Variants in PSG11 observed in about 807,000 individuals in gnomAD.
PSG11 encodes the protein pregnancy specific beta-1-glycoprotein 11.
A neutral mutation model predicts 36.0 loss-of-function variants in PSG11; 42 were observed. The observed-to-expected ratio is 1.17, with a 90% CI of 0.91 to 1.51. PSG11 has a LOEUF of 1.51. PSG11 is among the 40% of genes most tolerant of loss of function. PSG11 has a pLI of 0.00. For missense variants in PSG11, 558 were observed against 403.5 expected (o/e 1.38, Z -3.28); for synonymous variants, 206 against 153.5 (o/e 1.34, Z -2.53).
In PSG11 at chr19:43,009,955, T is replaced by C. The variant is rs1163335886; in HGVS notation, c.*40+3A>G. The C allele has an allele frequency of 1.3e-6, 2 of 1,572,464 alleles. No homozygotes were observed. Among genetic ancestry groups the C allele is most frequent in the Non-Finnish European group, 8.7e-7 (1 of 1,143,648 alleles). ...ACCAGGATAAGAGAAAAGGTCATCATACCTGCCAGTCTTCCTGAAATACAA... is the reference window on the plus strand; with the variant it reads ...ACCAGGATAAGAGAAAAGGTCATCACACCTGCCAGTCTTCCTGAAATACAA... On this transcript the variant is annotated splice_donor_region_variant and intron_variant, in intron 5 of 5. Coordinates refer to ENST00000320078, the MANE Select transcript of PSG11 (RefSeq NM_002785.3).
At chr19:43,011,116 G>C (rs55717966) in intron 4 of PSG11, among the ~76,000 whole-genome samples, 81,042 of 150,298 alleles carry the variant, frequency 0.54, 23,629 homozygotes, top group East Asian at 0.99. Context: ...TCTGAGATTT[G>C]ATTCTAGGAC....
At chr19:43,015,030 A>T (rs1599671590) in intron 4 of PSG11, 86 bp downstream of exon 4, 2 of 1,606,260 alleles carry the variant, frequency 1.2e-6, no homozygotes, top group Non-Finnish European at 1.7e-6. Context: ...ACAGGCTGGG[A>T]ATAAAAATGT....
At chr19:43,016,141 C>T in intron 3 of PSG11, 1 of 1,495,496 alleles carries the variant, frequency 6.7e-7, no homozygotes. Context: ...ACCTCTCAGC[C>T]CACCCGAGTC....
Position 43,013,252 on chromosome 19 carries a change from C to T in PSG11, c.964+1864G>A, listed in dbSNP as rs183517176. ...CAAAAGCATAGGCAACAAATAAAAT[C>T]AATAAATCGGACTTCACAAAAATCA... On this transcript the variant is annotated intron_variant, in intron 4 of 5. Transcript: ENST00000320078. Among the ~76,000 whole-genome samples the T allele has an allele frequency of 3.6e-3, 545 of 151,492 alleles. 23 individuals carry two copies. The highest frequency in any genetic ancestry group is 0.012 in the African/African-American group (481 of 41,160).
chr19:43,008,735 G>T (rs946234848), intron 5 of PSG11, among the ~76,000 whole-genome samples: 10 of 151,210 alleles, frequency 6.6e-5, no homozygotes. Flanking sequence ...TGAGTTCTTG[G>T]TGTAGCCCAT....
rs138854551 is a variant in PSG11, at chr19:43,009,949, T to C, written c.*40+9A>G. On this transcript the variant is annotated intron_variant, in intron 5 of 5. Coordinates refer to ENST00000320078, the MANE Select transcript of PSG11 (RefSeq NM_002785.3). ...GCAGGAACCAGGATAAGAGAAAAGG[T>C]CATCATACCTGCCAGTCTTCCTGAA... 1,191 of 1,556,152 alleles carry C rather than the reference T, an allele frequency of 7.7e-4. 38 individuals carry two copies. The East Asian group carries it at 0.018, about 24-fold the overall frequency.
Position 43,024,735 on chromosome 19 carries a change from T to C in PSG11, c.386A>G (p.Asp129Gly), listed in dbSNP as rs1967194675. ...ATATCCAGTTACTCCTCTAGTCCCA[T>C]CACCTCGCTTTATGATGTGTAAGGT... Reference protein sequence around the residue: ...SYTLHIIKRGDGTRGVTGYFT... With the variant: ...SYTLHIIKRGGGTRGVTGYFT... Residue 129 changes from aspartate to glycine, a missense_variant, in exon 2 of 6, where the codon GAT (aspartate) becomes GGT (glycine). By Grantham distance (94) the Asp-to-Gly change is moderately conservative. Coordinates refer to ENST00000320078, the MANE Select transcript of PSG11 (RefSeq NM_002785.3). 1 of 1,611,662 alleles carries C rather than the reference T, an allele frequency of 6.2e-7. No homozygotes were observed. Among genetic ancestry groups the C allele is most frequent in the Non-Finnish European group, 8.5e-7 (1 of 1,178,890 alleles).
At chr19:43,020,560 A>G (rs1568491047) in intron 2 of PSG11, among the ~76,000 whole-genome samples, 1 of 151,524 alleles carries the variant, frequency 6.6e-6, no homozygotes, top group Non-Finnish European at 1.5e-5. Flanking sequence ...CTGATGGTCT[A>G]AACATCTAAG....
At chr19:43,014,835 T>C (rs1461533357) in intron 4 of PSG11, 12 of 1,316,852 alleles carry the variant, frequency 9.1e-6, no homozygotes, top group Non-Finnish European at 1.2e-5. Flanking sequence ...ACTCTCCTTC[T>C]TGTCCCTCTG....
intron 1 of PSG11, 103 bp downstream of exon 1, chr19:43,026,206 G>C (rs1420020455): frequency 3.9e-6 from 6 of 1,533,454 alleles, no homozygotes; most frequent in East Asian, 2.3e-5. Context: ...CTCCCTAAAT[G>C]CTGGCTTTTT....
In PSG11 at chr19:43,024,685, A is replaced by T. The variant is rs185646646; in HGVS notation, c.430+6T>A. ...CAACACCCAGGGATCATGTGGAATC[A>T]CTTACGGTATAAGGTGAAGGTGAAA... is the stretch of plus-strand genomic sequence containing the variant. On this transcript the variant is annotated splice_donor_region_variant and intron_variant, in intron 2 of 5. Transcript: ENST00000320078. 115 of 1,609,930 alleles carry T rather than the reference A, an allele frequency of 7.1e-5. 3 individuals are homozygous for T. In the East Asian group the frequency reaches 2.5e-3, roughly 36 times the overall value.
At chr19:43,019,173 G>T in intron 2 of PSG11, 125 bp from the exon 3 acceptor site, 2 of 1,513,450 alleles carry the variant, frequency 1.3e-6, no homozygotes, top group Non-Finnish European at 1.8e-6. Context: ...CCCATGGCAG[G>T]TGTGTGTGTT....
In PSG11 at chr19:43,016,121, G is replaced by A. The variant is rs1165514682; in HGVS notation, c.710-751C>T. The A allele has an allele frequency of 1.3e-5, 20 of 1,534,934 alleles. 2 individuals are homozygous for A. The highest frequency in any genetic ancestry group is 7.6e-5 in the Admixed American group (4 of 52,350). Reference sequence around the variant, plus strand: ...CCACAGGCATCCTTCAATCAGAGTTGGCATCTCCCACCTCTCAGCCCACCC... The same window carrying A: ...CCACAGGCATCCTTCAATCAGAGTTAGCATCTCCCACCTCTCAGCCCACCC... On this transcript the variant is annotated intron_variant, in intron 3 of 5. Transcript: ENST00000320078.
intron 4 of PSG11, chr19:43,014,625 G>A (rs1063033): frequency 4.7e-6 from 5 of 1,062,092 alleles, no homozygotes; most frequent in Non-Finnish European, 5.7e-6. Context: ...GTCACCAGAG[G>A]AGCCCGGAGC....
intron 4 of PSG11, chr19:43,014,674 C>G: frequency 8.6e-7 from 1 of 1,166,456 alleles, no homozygotes; most frequent in Non-Finnish European, 1.1e-6. Flanking sequence ...CTCCCTCACC[C>G]AAGGGGCTTC....
intron 2 of PSG11, among the ~76,000 whole-genome samples, chr19:43,023,519 A>G (rs1158517782): frequency 6.6e-6 from 1 of 151,120 alleles, no homozygotes; most frequent in African/African-American, 2.4e-5. Flanking sequence ...ACTGACTTTG[A>G]TGGTTGAAGC....
chr19:43,019,141 A>T (rs899259113), intron 2 of PSG11, 93 bp from the exon 3 acceptor site: 4 of 1,545,822 alleles, frequency 2.6e-6, no homozygotes, highest in Non-Finnish European at 3.5e-6. Context: ...GCCACCTCTC[A>T]GCCCACCCGA....
chr19:43,016,599 G>A (rs1966972934), intron 3 of PSG11, among the ~76,000 whole-genome samples: 1 of 151,480 alleles, frequency 6.6e-6, no homozygotes, highest in Non-Finnish European at 1.5e-5. Flanking sequence ...AAGCCTGGAG[G>A]TCAGTTCAGT....
intron 4 of PSG11, chr19:43,014,492 C>A (rs1328751217): frequency 2.1e-6 from 2 of 975,274 alleles, no homozygotes; most frequent in Non-Finnish European, 2.4e-6. Context: ...TATTTCCTTG[C>A]AGCCTGGCCC....
Sources: gnomAD v4.1 joint callset for allele counts (sites outside exome capture counted in the v4.1 genomes callset) on GRCh38, gnomAD v4.1.1 for gene constraint, MANE v1.5 for transcripts, NCBI Gene and HGNC (gene_info 2026-07-23, HGNC 2026-07-21) for gene names.